Variants in MED12L observed in about 807,000 individuals in gnomAD.
MED12L encodes the protein mediator of RNA polymerase II transcription subunit 12-like protein.
A neutral mutation model predicts 281.3 loss-of-function variants in MED12L; 60 were observed. That is an observed-to-expected ratio of 0.21 (90% CI 0.17 to 0.26). The LOEUF (loss-of-function observed/expected upper bound fraction) is 0.26. MED12L is among the 10% of genes least tolerant of loss of function. The pLI is 1.00. For synonymous variants in MED12L, 974 were observed against 987.2 expected, an observed-to-expected ratio of 0.99 and a Z score of 0.25; for missense variants, 2,146 against 2,680.9, an observed-to-expected ratio of 0.80 and a Z score of 4.41.
intron 43 of MED12L, among the ~76,000 whole-genome samples, chr3:151,429,916 G>C (rs1187633875): frequency 3.3e-5 from 5 of 152,170 alleles, no homozygotes; most frequent in Admixed American, 2.0e-4. Flanking sequence ...TGTAGTCCTT[G>C]AACAAATCTT....
chr3:151,137,083 A>T (rs931278040), intron 5 of MED12L, among the ~76,000 whole-genome samples: 14 of 150,190 alleles, frequency 9.3e-5, no homozygotes, highest in Non-Finnish European at 2.1e-4. Context: ...AATCGCTTGA[A>T]CCTGGGAGGC....
In MED12L at chr3:151,425,566, T is replaced by TTGTGTG. The variant is rs149475948; in HGVS notation, c.6409-4719_6409-4714dup. On this transcript the variant is annotated intron_variant, in intron 43 of 44. Transcript: ENST00000687756. ...ACAGTAAATACATTTTTGTTTTTGT[T>TTGTGTG]TGTGTGTGTGTGTGTGTGTCTGTGT... 2.8e-3 allele frequency: 1,056 copies of TTGTGTG among 383,976 alleles called. 4 individuals are homozygous for TTGTGTG. The highest frequency in any genetic ancestry group is 4.8e-3 in the Non-Finnish European group (881 of 184,662). The allele number at this position is 383,976 out of a possible 1,614,324, so 23.8% of individuals were successfully genotyped here. A position where few individuals can be genotyped will look rare whatever the true frequency, so the allele number is the denominator to read the frequency against.
intron 16 of MED12L, among the ~76,000 whole-genome samples, chr3:151,221,125 A>C (rs1391559255): frequency 6.6e-6 from 1 of 152,154 alleles, no homozygotes; most frequent in Non-Finnish European, 1.5e-5. Flanking sequence ...TTTTGCCCCT[A>C]CCCTAGAGAT....
rs147230955 is a variant in MED12L, at chr3:151,290,838, T to A, written c.2251-59221T>A. Among the ~76,000 whole-genome samples the A allele has an allele frequency of 5.7e-4, 87 of 152,342 alleles. No homozygotes were observed. In the East Asian group the frequency reaches 0.016, roughly 28 times the overall value. On this transcript the variant is annotated intron_variant, in intron 16 of 44. Coordinates refer to ENST00000687756, the MANE Select transcript of MED12L (RefSeq NM_001393769.1). ...CGAATGCTGTAAATAGGACAAAAAT[T>A]GAATTTTCTTCACCTGTTTTGTGAA... is the stretch of plus-strand genomic sequence containing the variant.
At chr3:151,432,726 T>C in intron 44 of MED12L, 26 bp from the exon 45 acceptor site, 1 of 1,597,068 alleles carries the variant, frequency 6.3e-7, no homozygotes, top group Non-Finnish European at 8.6e-7. Flanking sequence ...GTCTGTAATT[T>C]TGGTTCAATT....
chr3:151,103,214 A>G (rs1441834818), intron 2 of MED12L, among the ~76,000 whole-genome samples: 1 of 152,224 alleles, frequency 6.6e-6, no homozygotes, highest in Non-Finnish European at 1.5e-5. Flanking sequence ...TAAAAGTTCA[A>G]GTATTTTTCT....
intron 11 of MED12L, among the ~76,000 whole-genome samples, chr3:151,170,353 G>A (rs1721274826): frequency 6.8e-6 from 1 of 147,422 alleles, no homozygotes; most frequent in Non-Finnish European, 1.5e-5. Flanking sequence ...TTGGCTCACT[G>A]TAACCTCTGC....
chr3:151,304,292 C>G (rs1435243728), intron 16 of MED12L, among the ~76,000 whole-genome samples: 1 of 152,134 alleles, frequency 6.6e-6, no homozygotes, highest in African/African-American at 2.4e-5. Context: ...TAAAAATGTT[C>G]TGGCCAGGCA....
At chr3:151,339,485 C>T (rs1577371426) in intron 16 of MED12L, among the ~76,000 whole-genome samples, 1 of 151,362 alleles carries the variant, frequency 6.6e-6, no homozygotes, top group Non-Finnish European at 1.5e-5. Context: ...ATTCCTGCCT[C>T]TATATTGCTC....
In MED12L at chr3:151,376,153, G is replaced by A. The variant is rs779824556; in HGVS notation, c.3992G>A (p.Gly1331Asp). ...KLLQLICYPH[G>D]IKECTEGDNL... ...CTGCAGCTTATCTGTTATCCTCATG[G>A]CATTAAAGAATGTACCGAGGGGGAC... Residue 1331 changes from glycine to aspartate, a missense_variant, in exon 28 of 45, where the codon GGC becomes GAC. Transcript: ENST00000687756. The A allele has an allele frequency of 1.9e-6, 3 of 1,609,264 alleles. No individual in the cohort carries two copies. The highest frequency in any genetic ancestry group is 2.2e-5 in the East Asian group (1 of 44,572).
chr3:151,322,913 T>G (rs1285872600), intron 16 of MED12L, among the ~76,000 whole-genome samples: 1 of 151,990 alleles, frequency 6.6e-6, no homozygotes, highest in South Asian at 2.1e-4. Context: ...CTTAGTCCTA[T>G]TTTTGGAGCC....
chr3:151,115,016 A>G (rs1013886848), intron 2 of MED12L, among the ~76,000 whole-genome samples: 3 of 152,214 alleles, frequency 2.0e-5, no homozygotes, highest in African/African-American at 4.8e-5. Flanking sequence ...AGTGAGGCAC[A>G]CTTTTCTCAT....
At position 151,122,857 on chromosome 3, in the gene MED12L, AC is replaced by A. The variant is rs1560069228; in HGVS notation, c.281del (p.Pro94HisfsTer27). ...CTTTCCAGGACACGGGAAAGAAGAA[AC>A]CACAAGTTAATGCTAAAGATAATTA... ...NTFQDTGKKK[P>X]QVNAKDNYWL... On this transcript the variant is annotated frameshift_variant, in exon 4 of 45. Coordinates refer to ENST00000687756, the MANE Select transcript of MED12L (RefSeq NM_001393769.1). LOFTEE classifies it high-confidence loss of function. 1 of 1,612,684 alleles carries A rather than the reference AC, an allele frequency of 6.2e-7. No individual in the cohort carries two copies. The highest frequency in any genetic ancestry group is 1.1e-5 in the South Asian group (1 of 90,778).
intron 5 of MED12L, among the ~76,000 whole-genome samples, chr3:151,142,651 T>C (rs879499990): frequency 6.6e-5 from 10 of 152,194 alleles, no homozygotes; most frequent in Non-Finnish European, 1.3e-4. Context: ...ATTTTGTGTA[T>C]TTTTTAACAG....
chr3:151,144,558 C>T (rs558642836), intron 5 of MED12L, among the ~76,000 whole-genome samples: 61 of 152,290 alleles, frequency 4.0e-4, no homozygotes, highest in African/African-American at 1.3e-3. Flanking sequence ...GACTTGGCCA[C>T]GCTGGTCTCT....
intron 16 of MED12L, chr3:151,214,436 C>T (rs1727792892): frequency 1.2e-6 from 1 of 824,294 alleles, no homozygotes; most frequent in Non-Finnish European, 1.9e-6. Flanking sequence ...ATAGTCAAAC[C>T]TACCAAATTT....
At chr3:151,432,690 A>T in intron 44 of MED12L, 62 bp from the exon 45 acceptor site, 3 of 1,198,554 alleles carry the variant, frequency 2.5e-6, no homozygotes, top group Non-Finnish European at 3.7e-6. Context: ...ACAAGAGGGT[A>T]GCATCCATCT....
intron 21 of MED12L, among the ~76,000 whole-genome samples, 167 bp downstream of exon 21, chr3:151,360,772 A>G (rs1435475872): frequency 6.6e-6 from 1 of 152,124 alleles, no homozygotes; most frequent in African/African-American, 2.4e-5. Flanking sequence ...ATTAAAATAG[A>G]CAGGGACAAT....
chr3:151,395,767 A>AATCTAC (rs1714878408), intron 39 of MED12L, among the ~76,000 whole-genome samples: 1 of 152,258 alleles, frequency 6.6e-6, no homozygotes, highest in African/African-American at 2.4e-5. Flanking sequence ...GGAAATAGCG[A>AATCTAC]ATCTACAGGT....
Sources: allele counts gnomAD v4.1 joint callset (sites outside exome capture counted in the v4.1 genomes callset), GRCh38; gene constraint gnomAD v4.1.1; transcripts MANE v1.5; gene names NCBI Gene and HGNC (gene_info 2026-07-23, HGNC 2026-07-21).